The following LHX6 variants were observed in gnomAD, a reference collection of about 807,000 sequenced individuals.
The protein encoded by LHX6 is LIM homeobox 6, also known as LIM/homeobox protein Lhx6.
LHX6 carries 15 observed loss-of-function variants against 47.1 expected under a neutral mutation model. The observed-to-expected ratio is 0.32, with a 90% confidence interval of 0.21 to 0.49. LHX6 has a LOEUF of 0.49. Among genes scored for constraint, LHX6 ranks in the 20% least tolerant of loss-of-function variants. The pLI is 0.99. For synonymous variants in LHX6, 242 were observed against 233.5 expected, an observed-to-expected ratio of 1.04 and a Z score of -0.33; for missense variants, 404 against 539.6, an observed-to-expected ratio of 0.75 and a Z score of 2.49.
chr9:122,215,599 G>A (rs1830566342), intron 5 of LHX6, among the ~76,000 whole-genome samples: 1 of 152,186 alleles, frequency 6.6e-6, no homozygotes, highest in Non-Finnish European at 1.5e-5. Flanking sequence ...ACCACAGTGT[G>A]GGAAAGCTCT....
chr9:122,217,348 TCCA>T lies in LHX6; in HGVS notation c.462-63_462-61del. The T allele has an allele frequency of 7.1e-7, 1 of 1,417,882 alleles. No individual in the cohort carries two copies. The highest frequency in any genetic ancestry group is 9.6e-7 in the Non-Finnish European group (1 of 1,042,500). 87.8% of individuals were successfully genotyped at this position (1,417,882 alleles called of 1,614,324 possible). A position where few individuals can be genotyped will look rare whatever the true frequency, so the allele number is the denominator to read the frequency against. ...ACTCAGACAGGCCAACCTTCCTCCT[TCCA>T]CCACCCAATGGCCCGCCAGCCCCCA... On this transcript the variant is annotated intron_variant, in intron 4 of 9. Transcript: ENST00000394319. This position sits in a 1 kb window ranked among gnomAD's most constrained non-coding sequence, Gnocchi z 4.9.
At chr9:122,228,331 G>T in intron 1 of LHX6, 2 of 1,534,300 alleles carry the variant, frequency 1.3e-6, no homozygotes, top group Non-Finnish European at 1.7e-6. Context: ...GATTCTCAGC[G>T]CTGCGCCGGC....
At chr9:122,227,284 G>T in intron 2 of LHX6, 125 bp downstream of exon 2, 2 of 1,040,036 alleles carry the variant, frequency 1.9e-6, no homozygotes, top group Non-Finnish European at 2.6e-6. Context: ...GGCTCAGAGA[G>T]GGGCGGCGCC....
intron 1 of LHX6, chr9:122,227,699 C>G: frequency 1.0e-6 from 1 of 972,570 alleles, no homozygotes; most frequent in Admixed American, 3.8e-5. Context: ...CTCCCCCTCT[C>G]CCTGCACTTA....
chr9:122,228,492 C>CG, intron 1 of LHX6, 165 bp downstream of exon 1: 5 of 1,335,338 alleles, frequency 3.7e-6, no homozygotes, highest in Non-Finnish European at 2.9e-6. Context: ...CGCGACCCCC[C>CG]CCCCCCGCTC....
At chr9:122,222,813 C>A (rs1830924361) in intron 4 of LHX6, among the ~76,000 whole-genome samples, 1 of 152,200 alleles carries the variant, frequency 6.6e-6, no homozygotes, top group South Asian at 2.1e-4. Context: ...GGTTAGAGGA[C>A]CATGGGATCT....
At chr9:122,209,423 T>C (rs751758299) in intron 9 of LHX6, among the ~76,000 whole-genome samples, 191 bp downstream of exon 9, 1 of 152,236 alleles carries the variant, frequency 6.6e-6, no homozygotes, top group Admixed American at 6.5e-5. Context: ...GGAGTGGCCA[T>C]GCACACAGAA....
chr9:122,219,248 T>C (rs2118880128), intron 4 of LHX6, among the ~76,000 whole-genome samples: 1 of 152,344 alleles, frequency 6.6e-6, no homozygotes. Context: ...CCAACCCTAC[T>C]GTCTCCAACG....
chr9:122,227,498 G>GTTT lies in LHX6; in HGVS notation c.85-19_85-18insAAA. The GTTT allele has an allele frequency of 1.0e-6, 1 of 983,008 alleles. No homozygotes were observed. The allele number at this position is 983,008 out of a possible 1,614,324, so 60.9% of individuals were successfully genotyped here. On this transcript the variant is annotated intron_variant, in intron 1 of 9. Transcript: ENST00000394319. ...GCCATCACCTGGGGGAGGGGGGGAG[G>GTTT]GAACGCAGGCGGCGGCGGCTGCTGA...
chr9:122,227,160 T>G, intron 2 of LHX6, 130 bp from the exon 3 acceptor site: 1 of 924,452 alleles, frequency 1.1e-6, no homozygotes, highest in Non-Finnish European at 1.6e-6. Context: ...CGCCGTAGAC[T>G]GAAGGACAGG....
intron 4 of LHX6, among the ~76,000 whole-genome samples, chr9:122,219,356 C>G (rs1383920703): frequency 1.3e-5 from 2 of 152,220 alleles, no homozygotes; most frequent in African/African-American, 4.8e-5. Flanking sequence ...CAGGCGGTTC[C>G]GGACCTCGGA....
At chr9:122,209,850 C>T (rs926060691) in intron 8 of LHX6, 133 bp from the exon 9 acceptor site, 1 of 588,206 alleles carries the variant, frequency 1.7e-6, no homozygotes, top group African/African-American at 1.9e-5. Context: ...TAGCCCTGGG[C>T]AAGGTTTCAG....
At chr9:122,210,816 G>A (rs1830371291) in intron 8 of LHX6, among the ~76,000 whole-genome samples, 1 of 152,156 alleles carries the variant, frequency 6.6e-6, no homozygotes, top group African/African-American at 2.4e-5. Flanking sequence ...GCCCACCTCG[G>A]CCTCCCAAAG....
chr9:122,221,900 T>C (rs1351208132), intron 4 of LHX6, among the ~76,000 whole-genome samples: 1 of 152,108 alleles, frequency 6.6e-6, no homozygotes, highest in Non-Finnish European at 1.5e-5. Context: ...GCTATAGGGC[T>C]TATCTAGTCT....
chr9:122,221,026 G>C (rs1428136898), intron 4 of LHX6: 1 of 946,192 alleles, frequency 1.1e-6, no homozygotes, highest in African/African-American at 1.8e-5. Flanking sequence ...AAACCTCAGA[G>C]TGGAAACGCC....
intron 1 of LHX6, 190 bp downstream of exon 1, chr9:122,228,467 T>C: frequency 7.0e-7 from 1 of 1,422,636 alleles, no homozygotes; most frequent in Non-Finnish European, 9.1e-7. Context: ...ATTTGCATAA[T>C]GTGTTCCCGC....
In LHX6 at chr9:122,228,829, C is replaced by T; in HGVS notation, c.-89G>A. On this transcript the variant is annotated 5_prime_UTR_variant, in exon 1 of 10. Transcript: ENST00000394319. ...GCCGCAGTGGGAGCAGAGGCTGCTGCAGGAGCAGGAGGAGAGCCGAGGCGC... is the reference window on the plus strand; with the variant it reads ...GCCGCAGTGGGAGCAGAGGCTGCTGTAGGAGCAGGAGGAGAGCCGAGGCGC... 7.7e-6 allele frequency: 7 copies of T among 911,242 alleles called. No individual in the cohort carries two copies. Among genetic ancestry groups the T allele is most frequent in the Non-Finnish European group, 9.9e-6 (7 of 704,938 alleles). The allele number at this position is 911,242 out of a possible 1,614,324, so 56.4% of individuals were successfully genotyped here. A position where few individuals can be genotyped will look rare whatever the true frequency, so the allele number is the denominator to read the frequency against.
intron 8 of LHX6, among the ~76,000 whole-genome samples, chr9:122,211,305 G>C (rs1195677053): frequency 6.6e-6 from 1 of 152,166 alleles, no homozygotes; most frequent in Non-Finnish European, 1.5e-5. Context: ...ATTAAATTGG[G>C]AGTTCTTCAC....
rs1001273716 is a variant in LHX6, at chr9:122,217,891, G to A, written c.462-603C>T. Among the ~76,000 whole-genome samples the A allele has an allele frequency of 1.3e-5, 2 of 152,148 alleles. No individual in the cohort carries two copies. The highest frequency in any genetic ancestry group is 2.1e-4 in the South Asian group (1 of 4,826). On this transcript the variant is annotated intron_variant, in intron 4 of 9. Transcript: ENST00000394319. The surrounding 1 kb of genome is among the most constrained non-coding windows in gnomAD (Gnocchi z 4.9). The stretch of plus-strand genomic sequence containing the variant: ...GCAAACTGTTTAACTCTGAGTTCTC[G>A]TTTTCCTTGTCCTGCACTGAACTAG...
Sources: gnomAD v4.1 joint callset for allele counts (sites outside exome capture counted in the v4.1 genomes callset) on GRCh38, gnomAD v4.1.1 for gene constraint, Gnocchi (gnomAD v3.1) non-coding constraint, MANE v1.5 for transcripts, NCBI Gene and HGNC (gene_info 2026-07-23, HGNC 2026-07-21) for gene names.